The following UST variants were observed in gnomAD, a reference collection of about 807,000 sequenced individuals.
UST encodes the protein chondroitin sulfate 2-O-sulfotransferase.
Under a neutral mutation model 45.6 loss-of-function variants are expected in UST, and 21 were observed. That is an observed-to-expected ratio of 0.46 (90% confidence interval 0.33 to 0.66). The LOEUF is 0.66. UST is among the 30% of genes least tolerant of loss of function. The pLI is 0.02. For synonymous variants in UST, 215 were observed against 200.6 expected, an observed-to-expected ratio of 1.07 and a Z score of -0.61; for missense variants, 463 against 512.4, an observed-to-expected ratio of 0.90 and a Z score of 0.93.
At chr6:148,930,058 T>C (rs1779892067) in intron 2 of UST, among the ~76,000 whole-genome samples, 3 of 152,158 alleles carry the variant, frequency 2.0e-5, no homozygotes, top group Non-Finnish European at 2.9e-5. Flanking sequence ...TTTGAAGCCA[T>C]ACAATTTCTA....
intron 1 of UST, among the ~76,000 whole-genome samples, chr6:148,867,471 A>G (rs934148699): frequency 6.6e-6 from 1 of 152,142 alleles, no homozygotes; most frequent in Admixed American, 6.5e-5. Flanking sequence ...GATATTTATT[A>G]TTCATACTTT....
At chr6:149,000,123 A>C (rs1215256515) in intron 5 of UST, among the ~76,000 whole-genome samples, 2 of 152,222 alleles carry the variant, frequency 1.3e-5, no homozygotes, top group East Asian at 1.9e-4. Context: ...GACCAGGCTC[A>C]GTGCTTTAAA....
At chr6:149,058,951 C>CCGTATTGT (rs1776613266) in intron 7 of UST, among the ~76,000 whole-genome samples, 1 of 152,144 alleles carries the variant, frequency 6.6e-6, no homozygotes, top group Non-Finnish European at 1.5e-5. Context: ...TACTTTCAAA[C>CCGTATTGT]AAATATGTAT....
chr6:148,774,257 G>A (rs935561472), intron 1 of UST, among the ~76,000 whole-genome samples: 11 of 138,466 alleles, frequency 7.9e-5, no homozygotes, highest in African/African-American at 1.1e-4. Context: ...CTGTTAAAGC[G>A]AACAAGGTTA....
At chr6:148,861,785 A>G (rs1778318429) in intron 1 of UST, among the ~76,000 whole-genome samples, 1 of 152,210 alleles carries the variant, frequency 6.6e-6, no homozygotes, top group Non-Finnish European at 1.5e-5. Flanking sequence ...CAGGTCATTC[A>G]GTTTCCATGT....
intron 1 of UST, among the ~76,000 whole-genome samples, chr6:148,752,902 A>C (rs1360869788): frequency 6.6e-6 from 1 of 152,210 alleles, no homozygotes; most frequent in African/African-American, 2.4e-5. Flanking sequence ...TTTTTTGGAA[A>C]GAAGACTTGA....
At chr6:148,977,058 T>C (rs1440280487) in intron 5 of UST, among the ~76,000 whole-genome samples, 1 of 151,984 alleles carries the variant, frequency 6.6e-6, no homozygotes, top group Non-Finnish European at 1.5e-5. Flanking sequence ...CATATCAATG[T>C]AGTTTCTTTT....
chr6:148,923,065 T>G (rs1308980497), intron 2 of UST, among the ~76,000 whole-genome samples: 1 of 152,204 alleles, frequency 6.6e-6, no homozygotes, highest in Non-Finnish European at 1.5e-5. Context: ...CCCAAAGTGC[T>G]GAGATTACAG....
At chr6:148,864,470 G>A (rs553945551) in intron 1 of UST, among the ~76,000 whole-genome samples, 2 of 152,296 alleles carry the variant, frequency 1.3e-5, no homozygotes, top group East Asian at 1.9e-4. Flanking sequence ...GCGATGCCCC[G>A]CCCTGCTTCG....
In UST at chr6:148,747,493, G is replaced by A; in HGVS notation, c.63G>A (p.Met21Ile). ...ATCCCTGGCCCCATGGGGCCCCTAT[G>A]GGGGGCGCCCCTCCGGGCCTGGGCA... is the stretch of plus-strand genomic sequence containing the variant. Reference protein sequence around the residue: ...GADPWPHGAPMGGAPPGLGSW... With the variant: ...GADPWPHGAPIGGAPPGLGSW... The change falls in exon 1 of 8, where the codon ATG becomes ATA. Residue 21 changes from methionine to isoleucine, a missense_variant. Physicochemically the swap from Met to Ile is conservative, Grantham distance 10. Around this residue, in one of 2 missense-constraint regions of UST, gnomAD observed 176 missense variants for 138.3 expected, o/e 1.27. Transcript: ENST00000367463. The A allele has an allele frequency of 6.6e-7, 1 of 1,518,554 alleles. No individual in the cohort carries two copies. The highest frequency in any genetic ancestry group is 8.8e-7 in the Non-Finnish European group (1 of 1,132,818). The allele number at this position is 1,518,554 out of a possible 1,614,324, so 94.1% of individuals were successfully genotyped here.
intron 1 of UST, among the ~76,000 whole-genome samples, chr6:148,783,855 A>G (rs1230627733): frequency 1.3e-5 from 2 of 152,208 alleles, no homozygotes; most frequent in Non-Finnish European, 2.9e-5. Flanking sequence ...GGTTGGGGAC[A>G]GAAAAATGTT....
chr6:148,816,640 G>A (rs1006270936), intron 1 of UST, among the ~76,000 whole-genome samples: 3 of 152,188 alleles, frequency 2.0e-5, no homozygotes, highest in Non-Finnish European at 4.4e-5. Flanking sequence ...GACTTGTGAG[G>A]AGTGAGTTGT....
chr6:148,891,898 A>G (rs959058560), intron 2 of UST, among the ~76,000 whole-genome samples: 1 of 152,214 alleles, frequency 6.6e-6, no homozygotes, highest in Admixed American at 6.5e-5. Flanking sequence ...TTGTATACTT[A>G]GCTACCTTCA....
In UST at chr6:149,015,980, G is replaced by A. The variant is rs150978917; in HGVS notation, c.682-3159G>A. On this transcript the variant is annotated intron_variant, in intron 5 of 7. Coordinates refer to ENST00000367463, the MANE Select transcript of UST (RefSeq NM_005715.3). Reference sequence around the variant, plus strand: ...GTTTCCTGCAGGCCCCTGGTCCTCAGGCTGCCAGGCAGCAGCATCCCCATT... The same window carrying A: ...GTTTCCTGCAGGCCCCTGGTCCTCAAGCTGCCAGGCAGCAGCATCCCCATT... Among the ~76,000 whole-genome samples the A allele has an allele frequency of 3.2e-3, 485 of 152,304 alleles. 3 individuals carry two copies. Among genetic ancestry groups the A allele is most frequent in the African/African-American group, 0.011 (461 of 41,556 alleles).
intron 1 of UST, among the ~76,000 whole-genome samples, chr6:148,814,029 A>C (rs1288548199): frequency 6.6e-6 from 1 of 152,210 alleles, no homozygotes. Flanking sequence ...GGATGCATTT[A>C]CACGATGCAC....
chr6:149,021,513 T>C, intron 7 of UST, 32 bp downstream of exon 7: 1 of 1,612,346 alleles, frequency 6.2e-7, no homozygotes, highest in Non-Finnish European at 8.5e-7. Context: ...CTCTTCTCCA[T>C]GAGAGGTCTG....
intron 5 of UST, among the ~76,000 whole-genome samples, chr6:148,967,963 A>G (rs1437743162): frequency 6.6e-6 from 1 of 152,130 alleles, no homozygotes; most frequent in East Asian, 1.9e-4. Flanking sequence ...GGGTAAAGGA[A>G]TCCTAGGATT....
rs374713546 is a variant in UST at position 148,918,722 on chromosome 6, C to T, written c.292-22557C>T. 1.6e-4 allele frequency among the ~76,000 whole-genome samples: 25 copies of T among 152,172 alleles called. 4 individuals are homozygous for T. The highest frequency in any genetic ancestry group is 1.4e-3 in the Admixed American group (21 of 15,280). Reference sequence around the variant, plus strand: ...AAAATGTCAGAGGTGCAGCGGTAACCTCGTTATGGTGTGCATTTGAACTCA... The same window carrying T: ...AAAATGTCAGAGGTGCAGCGGTAACTTCGTTATGGTGTGCATTTGAACTCA... On this transcript the variant is annotated intron_variant, in intron 2 of 7. Transcript: ENST00000367463.
At position 149,049,967 on chromosome 6, in the gene UST, G is replaced by A. The variant is rs536461121; in HGVS notation, c.938-23866G>A. ...CACACACACACACACACACACACAC[G>A]TGGCCCTTTCTTGTATACAGAAGCT... is the stretch of plus-strand genomic sequence containing the variant. On this transcript the variant is annotated intron_variant, in intron 7 of 7. Coordinates refer to ENST00000367463, the MANE Select transcript of UST (RefSeq NM_005715.3). 6.0e-3 allele frequency among the ~76,000 whole-genome samples: 539 copies of A among 89,124 alleles called. 2 individuals carry two copies. The highest frequency in any genetic ancestry group is 0.011 in the Non-Finnish European group (435 of 38,288). The allele number at this position is 89,124 out of a possible 152,430, so 58.5% of individuals were successfully genotyped here.
Sources: allele counts gnomAD v4.1 joint callset (sites outside exome capture counted in the v4.1 genomes callset), GRCh38; gene constraint gnomAD v4.1.1; regional missense constraint gnomAD v4.1.1; transcripts MANE v1.5; gene names NCBI Gene and HGNC (gene_info 2026-07-23, HGNC 2026-07-21).